MKLN1: variants seen among roughly 807,000 people sequenced by gnomAD.
The protein encoded by MKLN1 is muskelin 1.
In MKLN1, 18 loss-of-function variants were observed where a neutral mutation model predicts 99.0. That is an observed-to-expected ratio of 0.18 (90% confidence interval 0.13 to 0.27). The LOEUF (loss-of-function observed/expected upper bound fraction) is 0.27. Among genes scored for constraint, MKLN1 ranks in the 10% least tolerant of loss-of-function variants. MKLN1 has a pLI of 1.00. For missense variants in MKLN1, 621 were observed against 875.9 expected (o/e 0.71, Z 3.67); for synonymous variants, 288 against 293.2 (o/e 0.98, Z 0.18).
Position 131,387,143 on chromosome 7 carries a change from G to A in MKLN1, c.192G>A (p.Arg64=), listed in dbSNP as rs1794056514. 1 of 1,605,492 alleles carries A rather than the reference G, an allele frequency of 6.2e-7. No individual in the cohort carries two copies. The highest frequency in any genetic ancestry group is 8.5e-7 in the Non-Finnish European group (1 of 1,177,100). ...PPQYLILKLE[R]PAIVQNITFG... ...AGTACTTGATTCTAAAGCTCGAAAG[G>A]CCTGCTATAGTTCAGAATATCACAT... Residue 64 remains arginine, a synonymous_variant, in exon 3 of 18, where the codon AGG becomes AGA. Transcript: ENST00000352689.
In MKLN1 at chr7:131,174,749, G is replaced by A. The variant is rs541460576; in HGVS notation, c.-296-28108G>A. Among the ~76,000 whole-genome samples, 5 of 152,232 alleles carry A rather than the reference G, an allele frequency of 3.3e-5. No individual in the cohort carries two copies. The South Asian group carries it at 1.0e-3, about 32-fold the overall frequency. ...TAATATAGTTCTCAGTACCAATCTT[G>A]ATGAGAATTGATAATTCAAACCAGT... On this transcript the variant is annotated intron_variant, in intron 2 of 7. Coordinates refer to the MKLN1 transcript ENST00000416992.
chr7:131,161,525 T>A (rs1796047696), intron 2 of MKLN1, among the ~76,000 whole-genome samples: 1 of 152,206 alleles, frequency 6.6e-6, no homozygotes, highest in African/African-American at 2.4e-5. Flanking sequence ...TTGCTGCTGT[T>A]TAGCAAGTGA....
intron 12 of MKLN1, among the ~76,000 whole-genome samples, chr7:131,454,192 T>C (rs1796268237): frequency 6.6e-6 from 1 of 152,094 alleles, no homozygotes; most frequent in African/African-American, 2.4e-5. Context: ...AAATAAGCTA[T>C]ACAGAGATAT....
At chr7:131,436,375 T>C (rs1030788728) in intron 9 of MKLN1, among the ~76,000 whole-genome samples, 1 of 152,206 alleles carries the variant, frequency 6.6e-6, no homozygotes, top group Non-Finnish European at 1.5e-5. Context: ...AGGCTTTCTG[T>C]GTCCACTTTA....
intron 2 of MKLN1, among the ~76,000 whole-genome samples, chr7:131,201,362 C>A (rs959074211): frequency 2.0e-5 from 3 of 152,162 alleles, no homozygotes; most frequent in African/African-American, 7.2e-5. Context: ...ACTTCGTTAG[C>A]ATTCACTAAG....
chr7:131,128,731 G>C (rs1795501965), intron 1 of MKLN1, among the ~76,000 whole-genome samples: 1 of 151,464 alleles, frequency 6.6e-6, no homozygotes, highest in Non-Finnish European at 1.5e-5. Context: ...AATCCTTCCA[G>C]GTAGCTAGGA....
chr7:131,163,749 G>A (rs1394841032), intron 2 of MKLN1, among the ~76,000 whole-genome samples: 1 of 152,064 alleles, frequency 6.6e-6, no homozygotes, highest in African/African-American at 2.4e-5. Context: ...TTTCCTAAGG[G>A]CATCAGTGTT....
At chr7:131,416,339 A>G (rs1795013864) in intron 8 of MKLN1, among the ~76,000 whole-genome samples, 1 of 152,204 alleles carries the variant, frequency 6.6e-6, no homozygotes, top group Non-Finnish European at 1.5e-5. Context: ...TGTGTAAGAA[A>G]GACAAAAAAA....
chr7:131,329,579 G>A (rs187744817), intron 1 of MKLN1, among the ~76,000 whole-genome samples: 183 of 152,300 alleles, frequency 1.2e-3, no homozygotes, highest in African/African-American at 4.0e-3. Flanking sequence ...TGATCTAACT[G>A]TAGAGACATT....
chr7:131,473,729 T>A (rs1487536244), intron 16 of MKLN1, among the ~76,000 whole-genome samples: 1 of 152,124 alleles, frequency 6.6e-6, no homozygotes, highest in Non-Finnish European at 1.5e-5. Context: ...CCATAATAGG[T>A]CAGGCATTCT....
chr7:131,442,960 T>G (rs1795885857), intron 10 of MKLN1, among the ~76,000 whole-genome samples: 1 of 152,208 alleles, frequency 6.6e-6, no homozygotes, highest in Admixed American at 6.5e-5. Flanking sequence ...GGAGACTTGA[T>G]TGTTGTAAAT....
At chr7:131,114,177 T>C (rs1795239770) in intron 1 of MKLN1, among the ~76,000 whole-genome samples, 2 of 152,226 alleles carry the variant, frequency 1.3e-5, no homozygotes, top group Non-Finnish European at 2.9e-5. Context: ...GATGGTATCC[T>C]CCATCAATGC....
intron 3 of MKLN1, among the ~76,000 whole-genome samples, chr7:131,229,351 A>C (rs1371626304): frequency 1.3e-5 from 2 of 150,630 alleles, no homozygotes; most frequent in Admixed American, 6.6e-5. Flanking sequence ...TGTGATGCCC[A>C]TCCCCCACCC....
At chr7:131,440,751 G>A (rs1164569694) in intron 10 of MKLN1, among the ~76,000 whole-genome samples, 4 of 151,908 alleles carry the variant, frequency 2.6e-5, no homozygotes, top group African/African-American at 9.7e-5. Flanking sequence ...AAAGAAGAAA[G>A]CCAAAACAAT....
chr7:131,395,080 G>C (rs1794318807), intron 4 of MKLN1, among the ~76,000 whole-genome samples: 2 of 151,990 alleles, frequency 1.3e-5, no homozygotes, highest in African/African-American at 4.8e-5. Context: ...AGCTCACAGT[G>C]GTGGGTACTT....
chr7:131,212,446 T>A (rs1213711353), intron 3 of MKLN1, among the ~76,000 whole-genome samples: 1 of 152,222 alleles, frequency 6.6e-6, no homozygotes, highest in Non-Finnish European at 1.5e-5. Context: ...CTAACTTCCT[T>A]TGGAGTGATG....
At chr7:131,290,831 A>G (rs1381128513) in intron 3 of MKLN1, among the ~76,000 whole-genome samples, 2 of 152,166 alleles carry the variant, frequency 1.3e-5, no homozygotes, top group African/African-American at 4.8e-5. Context: ...ACCAACTCCT[A>G]ATTAATTGCT....
intron 3 of MKLN1, among the ~76,000 whole-genome samples, chr7:131,234,905 C>A (rs906637852): frequency 5.9e-5 from 9 of 152,114 alleles, no homozygotes; most frequent in Non-Finnish European, 1.3e-4. Context: ...CTAATTCATT[C>A]GGATGCTTGC....
intron 4 of MKLN1, among the ~76,000 whole-genome samples, chr7:131,393,482 C>T (rs1487590378): frequency 6.6e-6 from 1 of 152,186 alleles, no homozygotes; most frequent in East Asian, 1.9e-4. Context: ...AAGATAACTT[C>T]ATGATTTACC....
Sources: gnomAD v4.1 joint callset for allele counts (sites outside exome capture counted in the v4.1 genomes callset) on GRCh38, gnomAD v4.1.1 for gene constraint, MANE v1.5 for transcripts, NCBI Gene and HGNC (gene_info 2026-07-23, HGNC 2026-07-21) for gene names.